The following METTL15 variants were observed in gnomAD, a reference collection of about 807,000 sequenced individuals.
The protein encoded by METTL15 is methyltransferase 15, mitochondrial 12S rRNA N4-cytidine.
In METTL15, 34 loss-of-function variants were observed where a neutral mutation model predicts 38.3. The observed-to-expected ratio is 0.89, with a 90% CI of 0.68 to 1.18. METTL15 has a LOEUF of 1.18. METTL15 is among the 50% of genes most tolerant of loss of function. METTL15 has a pLI of 0.00. For missense variants in METTL15, 438 were observed against 498.4 expected, an observed-to-expected ratio of 0.88 and a Z score of 1.15; for synonymous variants, 162 against 170.9, an observed-to-expected ratio of 0.95 and a Z score of 0.41.
intron 6 of METTL15, among the ~76,000 whole-genome samples, chr11:28,432,512 T>A (rs1850941191): frequency 6.6e-6 from 1 of 152,242 alleles, no homozygotes; most frequent in African/African-American, 2.4e-5. Context: ...GCGAATGCTC[T>A]CTTTCAGTCA....
intron 6 of METTL15, among the ~76,000 whole-genome samples, chr11:28,440,563 T>G (rs1360483700): frequency 1.3e-5 from 2 of 152,228 alleles, no homozygotes; most frequent in Non-Finnish European, 2.9e-5. Context: ...ATTAACCTTA[T>G]TAAGACTATT....
At chr11:28,194,453 G>C (rs1851834670) in intron 3 of METTL15, among the ~76,000 whole-genome samples, 1 of 151,666 alleles carries the variant, frequency 6.6e-6, no homozygotes, top group Non-Finnish European at 1.5e-5. Flanking sequence ...ACCTGCCTTG[G>C]CCTCCAAAAG....
intron 3 of METTL15, among the ~76,000 whole-genome samples, chr11:28,350,781 T>C (rs1160301587): frequency 6.6e-6 from 1 of 152,232 alleles, no homozygotes; most frequent in African/African-American, 2.4e-5. Context: ...GACAAAAATC[T>C]CTGTCCCTAA....
intron 4 of METTL15, among the ~76,000 whole-genome samples, chr11:28,249,174 T>C (rs1178303456): frequency 6.6e-6 from 1 of 151,948 alleles, no homozygotes; most frequent in East Asian, 1.9e-4. Context: ...TGAGGAAACC[T>C]TAGGTAATTT....
chr11:28,384,517 C>T (rs1850421034), intron 5 of METTL15, among the ~76,000 whole-genome samples: 1 of 151,998 alleles, frequency 6.6e-6, no homozygotes. Flanking sequence ...ACCATGTTGG[C>T]CAGGCTAGTC....
At chr11:28,303,353 G>A (rs760024264) in intron 6 of METTL15, among the ~76,000 whole-genome samples, 51 of 152,234 alleles carry the variant, frequency 3.4e-4, no homozygotes, top group Non-Finnish European at 5.9e-4. Flanking sequence ...TGCCAATTAT[G>A]TTTTGCTTAA....
At chr11:28,122,159 T>C in intron 3 of METTL15, 2 of 1,237,696 alleles carry the variant, frequency 1.6e-6, no homozygotes, top group Non-Finnish European at 2.1e-6. Context: ...GTGTGAGGAG[T>C]GTGGGAATAT....
At chr11:28,343,168 C>T (rs1849967578) in intron 3 of METTL15, among the ~76,000 whole-genome samples, 1 of 146,330 alleles carries the variant, frequency 6.8e-6, no homozygotes. Flanking sequence ...CCATTGTATA[C>T]ATACATATAT....
intron 4 of METTL15, among the ~76,000 whole-genome samples, chr11:28,282,534 C>G (rs746103290): frequency 2.6e-5 from 4 of 152,222 alleles, no homozygotes; most frequent in Admixed American, 1.3e-4. Context: ...TCTATCAACA[C>G]TTTCCATCAA....
chr11:28,155,807 AG>A (rs1453830028), intron 3 of METTL15, among the ~76,000 whole-genome samples: 1 of 152,230 alleles, frequency 6.6e-6, no homozygotes, highest in Non-Finnish European at 1.5e-5. Context: ...ATCTTAAGAC[AG>A]TGCTTCATTC....
intron 4 of METTL15, among the ~76,000 whole-genome samples, chr11:28,237,180 A>G (rs1854030087): frequency 6.6e-6 from 1 of 152,158 alleles, no homozygotes; most frequent in African/African-American, 2.4e-5. Flanking sequence ...TCTCCTGGAT[A>G]ATATCCTGCA....
At chr11:28,126,785 G>T (rs1322068929) in intron 3 of METTL15, among the ~76,000 whole-genome samples, 1 of 152,050 alleles carries the variant, frequency 6.6e-6, no homozygotes, top group Admixed American at 6.6e-5. Flanking sequence ...ACAATTTAGT[G>T]GTTGAAATGG....
chr11:28,386,151 C>T (rs1850438280), intron 5 of METTL15, among the ~76,000 whole-genome samples: 1 of 151,586 alleles, frequency 6.6e-6, no homozygotes, highest in Non-Finnish European at 1.5e-5. Context: ...CATGTCACTA[C>T]AAAAAATCAA....
chr11:28,129,826 A>G (rs1448619779), intron 3 of METTL15, among the ~76,000 whole-genome samples: 1 of 152,168 alleles, frequency 6.6e-6, no homozygotes, highest in Non-Finnish European at 1.5e-5. Context: ...GGATTGCTAA[A>G]ATAGTGAGTG....
chr11:28,141,298 T>A (rs1248877621), intron 3 of METTL15, among the ~76,000 whole-genome samples: 1 of 152,132 alleles, frequency 6.6e-6, no homozygotes, highest in Non-Finnish European at 1.5e-5. Flanking sequence ...TTCCTTGATA[T>A]GAATCACGGT....
chr11:28,504,995 G>A (rs1238339601), intron 6 of METTL15, among the ~76,000 whole-genome samples: 3 of 152,250 alleles, frequency 2.0e-5, no homozygotes, highest in Admixed American at 1.3e-4. Flanking sequence ...TTTGACATGC[G>A]TTAATTACAA....
chr11:28,157,588 A>G (rs996771234), intron 3 of METTL15, among the ~76,000 whole-genome samples: 1 of 152,184 alleles, frequency 6.6e-6, no homozygotes, highest in Non-Finnish European at 1.5e-5. Flanking sequence ...ACTATATGTC[A>G]TCACCATGTG....
chr11:28,303,008 T>C (rs1479304233), intron 6 of METTL15, among the ~76,000 whole-genome samples: 1 of 152,160 alleles, frequency 6.6e-6, no homozygotes, highest in Non-Finnish European at 1.5e-5. Context: ...ATGTATTTGA[T>C]GTATTGATGT....
intron 6 of METTL15, among the ~76,000 whole-genome samples, chr11:28,493,649 A>G (rs1851514528): frequency 6.6e-6 from 1 of 152,188 alleles, no homozygotes; most frequent in African/African-American, 2.4e-5. Flanking sequence ...CCCTCCAAAT[A>G]CAACTGCGTA....
Sources: allele counts gnomAD v4.1 joint callset (sites outside exome capture counted in the v4.1 genomes callset), GRCh38; gene constraint gnomAD v4.1.1; transcripts MANE v1.5; gene names NCBI Gene and HGNC (gene_info 2026-07-23, HGNC 2026-07-21).